Variants in CNNM3 observed in about 807,000 individuals in gnomAD.
CNNM3 encodes the protein metal transporter CNNM3.
Under a neutral mutation model 57.1 loss-of-function variants are expected in CNNM3, and 47 were observed. The observed-to-expected ratio is 0.82, with a 90% CI of 0.65 to 1.05. CNNM3 has a LOEUF of 1.05. Among genes scored for constraint, CNNM3 ranks in the 50% least tolerant of loss-of-function variants. CNNM3 has a pLI of 0.00. For synonymous variants in CNNM3, 507 were observed against 478.2 expected (o/e 1.06, Z -0.79); for missense variants, 957 against 973.7 (o/e 0.98, Z 0.23).
Position 96,817,427 on chromosome 2 carries a change from C to T in CNNM3, c.1150C>T (p.Arg384Cys). 6.2e-7 allele frequency: 1 copy of T among 1,614,150 alleles called. No individual in the cohort carries two copies. The change falls in exon 1 of 8, where the codon CGT becomes TGT. Residue 384 changes from arginine to cysteine, a missense_variant. Physicochemically the swap from Arg to Cys is radical, Grantham distance 180 (BLOSUM62 -3). Coordinates refer to ENST00000305510, the MANE Select transcript of CNNM3 (RefSeq NM_017623.5). Reference sequence around the variant, plus strand: ...CTGCACGCCGCTCAGCACCATCACTCGTTTCTACAACCATCCGCTCCACTT... The same window carrying T: ...CTGCACGCCGCTCAGCACCATCACTTGTTTCTACAACCATCCGCTCCACTT... ...EDCTPLSTITRFYNHPLHFVF... is the reference protein window; with the variant it reads ...EDCTPLSTITCFYNHPLHFVF...
At chr2:96,820,928 G>T (rs2079395324) in intron 1 of CNNM3, among the ~76,000 whole-genome samples, 1 of 152,208 alleles carries the variant, frequency 6.6e-6, no homozygotes, top group South Asian at 2.1e-4. Flanking sequence ...GGCTGCTCCT[G>T]TTCTGGGCTG....
intron 2 of CNNM3, among the ~76,000 whole-genome samples, chr2:96,826,025 G>T (rs1255541686): frequency 6.6e-6 from 1 of 152,212 alleles, no homozygotes. Context: ...CGCCTGCCCT[G>T]CATGCTTCCA....
At chr2:96,819,671 A>AT (rs1381740465) in intron 1 of CNNM3, among the ~76,000 whole-genome samples, 1 of 152,068 alleles carries the variant, frequency 6.6e-6, no homozygotes, top group African/African-American at 2.4e-5. Flanking sequence ...ACGTTTCTAG[A>AT]TTCTTTAAGA....
At position 96,826,917 on chromosome 2, in the gene CNNM3, A is replaced by G. The variant is rs1397823879; in HGVS notation, c.1454A>G (p.Asp485Gly). ...GAGTTCTCCTTGTTCAAGGTGTCTG[A>G]TGATGAATATAAAGTAACAATCTCG... Reference protein sequence around the residue: ...KEEFSLFKVSDDEYKVTISPQ... With the variant: ...KEEFSLFKVSGDEYKVTISPQ... The change falls in exon 3 of 8, where the codon GAT (aspartate) becomes GGT (glycine). Residue 485 changes from aspartate to glycine, a missense_variant. By Grantham distance (94) the Asp-to-Gly change is moderately conservative. This residue lies in a region of CNNM3 where 491 missense variants were observed against 570.6 expected (regional missense o/e 0.86). Coordinates refer to ENST00000305510, the MANE Select transcript of CNNM3 (RefSeq NM_017623.5). 4 of 1,614,230 alleles carry G rather than the reference A, an allele frequency of 2.5e-6. No individual in the cohort carries two copies. Among genetic ancestry groups the G allele is most frequent in the Admixed American group, 1.7e-5 (1 of 60,028 alleles).
Position 96,817,173 on chromosome 2 carries a change from A to T in CNNM3, c.896A>T (p.Asp299Val). The stretch of plus-strand genomic sequence containing the variant: ...CTGGAGCTGGCGCGCGGCGGCGGCG[A>T]CCCCTACAGCGATCTCAGCAAGGGC... ...RVLELARGGGDPYSDLSKGVL... is the reference protein window; with the variant it reads ...RVLELARGGGVPYSDLSKGVL... The change falls in exon 1 of 8, where the codon GAC becomes GTC. Residue 299 changes from aspartate (D) to valine (V), a missense_variant. Coordinates refer to ENST00000305510, the MANE Select transcript of CNNM3 (RefSeq NM_017623.5). 1.4e-6 allele frequency: 2 copies of T among 1,449,774 alleles called. No homozygotes were observed. Among genetic ancestry groups the T allele is most frequent in the Non-Finnish European group, 1.8e-6 (2 of 1,108,676 alleles). 89.8% of individuals were successfully genotyped at this position (1,449,774 alleles called of 1,614,324 possible). A position where few individuals can be genotyped will look rare whatever the true frequency, so the allele number is the denominator to read the frequency against.
At chr2:96,832,429 C>T in intron 7 of CNNM3, 123 bp from the exon 8 acceptor site, 1 of 1,550,074 alleles carries the variant, frequency 6.5e-7, no homozygotes, top group South Asian at 1.2e-5. Context: ...CTGATACTTC[C>T]CAAGGCATCC....
rs1327790450 is a variant in CNNM3, at chr2:96,817,306, G to A, written c.1029G>A (p.Gln343=). ...TCGGCGTCCTGGCCAGCATCATGCA[G>A]AGCGGCCACACGCGCATCCCGGTGT... is the stretch of plus-strand genomic sequence containing the variant. ...LDFGVLASIM[Q]SGHTRIPVYE... Residue 343 remains glutamine (Q), a synonymous_variant, in exon 1 of 8, where the codon CAG becomes CAA. Transcript: ENST00000305510. The A allele has an allele frequency of 6.2e-7, 1 of 1,613,920 alleles. No individual in the cohort carries two copies. The highest frequency in any genetic ancestry group is 1.7e-5 in the Admixed American group (1 of 60,032).
intron 7 of CNNM3, chr2:96,829,359 G>A: frequency 2.3e-6 from 1 of 433,192 alleles, no homozygotes; most frequent in Non-Finnish European, 3.1e-6. Flanking sequence ...GGAGTACAAT[G>A]GTGTGATCTC....
At position 96,829,143 on chromosome 2, in the gene CNNM3, C is replaced by T. The variant is rs758109971; in HGVS notation, c.2059+9C>T. On this transcript the variant is annotated intron_variant, in intron 7 of 7. Transcript: ENST00000305510. ...GACCACCACAGCGGCAGGTGAGTGC[C>T]AAGTGGTACATCGTGCATGGTGTCT... 6.2e-6 allele frequency: 10 copies of T among 1,613,578 alleles called. No homozygotes were observed. Among genetic ancestry groups the T allele is most frequent in the Admixed American group, 3.3e-5 (2 of 59,986 alleles).
chr2:96,819,869 G>A (rs764799193), intron 1 of CNNM3, among the ~76,000 whole-genome samples: 1 of 152,244 alleles, frequency 6.6e-6, no homozygotes, highest in Non-Finnish European at 1.5e-5. Flanking sequence ...CAAACCGCCA[G>A]TGTCAGGATC....
rs148219000 is a variant in CNNM3 at position 96,828,648 on chromosome 2, C to T, written c.1868C>T (p.Ala623Val). The part of the protein sequence containing the change: ...PDPGDGTHSS[A>V]YCPDYTVRAL... ...CCAGGTGACGGCACGCATTCATCTGCGTATTGTCCCGACTACACCGTGAGG... is the reference window on the plus strand; with the variant it reads ...CCAGGTGACGGCACGCATTCATCTGTGTATTGTCCCGACTACACCGTGAGG... The change falls in exon 6 of 8, where the codon GCG (alanine) becomes GTG (valine). Residue 623 changes from alanine to valine, a missense_variant. Physicochemically the swap from Ala to Val is moderately conservative, Grantham distance 64. Coordinates refer to ENST00000305510, the MANE Select transcript of CNNM3 (RefSeq NM_017623.5). The T allele has an allele frequency of 8.7e-5, 140 of 1,614,158 alleles. 1 individual carries two copies. In the African/African-American group the frequency reaches 1.3e-3, roughly 15 times the overall value.
rs554788305 is a variant in CNNM3, at chr2:96,825,609, G to A, written c.1369+408G>A. Among the ~76,000 whole-genome samples, 286 of 152,296 alleles carry A rather than the reference G, an allele frequency of 1.9e-3. 1 individual carries two copies. The highest frequency in any genetic ancestry group is 6.8e-3 in the African/African-American group (281 of 41,560). On this transcript the variant is annotated intron_variant, in intron 2 of 7. Transcript: ENST00000305510. ...GAAAGAACCCACTGTTTGCCATGAA[G>A]AAAGTCTTCCTGGCTGGGCGCAGTG... is the stretch of plus-strand genomic sequence containing the variant.
downstream of CNNM3, chr2:96,836,774 T>G (rs1419639150): frequency 6.6e-6 from 1 of 152,254 alleles, no homozygotes; most frequent in Non-Finnish European, 1.5e-5. Context: ...GGACTGTTGC[T>G]TTTAGTGTTG....
Position 96,832,876 on chromosome 2 carries a change from G to A in CNNM3, c.*260G>A. ...CGCCTCAGGAAGGAATGAAAGGAAT[G>A]CCATCATCTCTAGTTCCCAGGGCCC... On this transcript the variant is annotated 3_prime_UTR_variant, in exon 8 of 8. Coordinates refer to ENST00000305510, the MANE Select transcript of CNNM3 (RefSeq NM_017623.5). 2.0e-6 allele frequency: 3 copies of A among 1,490,348 alleles called. No homozygotes were observed. Among genetic ancestry groups the A allele is most frequent in the Non-Finnish European group, 2.7e-6 (3 of 1,118,406 alleles). 92.3% of individuals were successfully genotyped at this position (1,490,348 alleles called of 1,614,324 possible). A position where few individuals can be genotyped will look rare whatever the true frequency, so the allele number is the denominator to read the frequency against.
In CNNM3 at chr2:96,834,918, C is replaced by T. The variant is rs951174725; in HGVS notation, c.*2302C>T. Reference sequence around the variant, plus strand: ...AAGTTGTAAAGGTAAGGGCCCCACGCACCCTTCATCTAGTTTCCCTCCATG... The same window carrying T: ...AAGTTGTAAAGGTAAGGGCCCCACGTACCCTTCATCTAGTTTCCCTCCATG... On this transcript the variant is annotated 3_prime_UTR_variant, in exon 8 of 8. Transcript: ENST00000305510. Among the ~76,000 whole-genome samples, 15 of 152,196 alleles carry T rather than the reference C, an allele frequency of 9.9e-5. No homozygotes were observed. The highest frequency in any genetic ancestry group is 2.9e-4 in the African/African-American group (12 of 41,436).
downstream of CNNM3, among the ~76,000 whole-genome samples, chr2:96,835,457 T>TAAAC: frequency 6.6e-6 from 1 of 151,358 alleles, no homozygotes; most frequent in East Asian, 1.9e-4. Context: ...TTTCGTTTTT[T>TAAAC]AAACAATCAA....
intron 1 of CNNM3, among the ~76,000 whole-genome samples, chr2:96,823,546 C>T (rs2079443660): frequency 6.6e-6 from 1 of 152,148 alleles, no homozygotes; most frequent in Non-Finnish European, 1.5e-5. Context: ...TCTCCAGGGG[C>T]CCTAGCCTTC....
At chr2:96,825,020 G>GC (rs35331162) in intron 1 of CNNM3, 38 bp from the exon 2 acceptor site, 4 of 1,609,334 alleles carry the variant, frequency 2.5e-6, no homozygotes, top group African/African-American at 2.7e-5. Context: ...ACTGGGGGGG[G>GC]CCCAGCAAGC....
chr2:96,816,993 T>A lies in CNNM3; in HGVS notation c.716T>A (p.Val239Glu). The change falls in exon 1 of 8, where the codon GTG becomes GAG. Residue 239 changes from valine to glutamate, a missense_variant. By Grantham distance (121) the Val-to-Glu change is moderately radical. Around this residue, in one of 2 missense-constraint regions of CNNM3, gnomAD observed 466 missense variants for 403.1 expected, o/e 1.16. Coordinates refer to ENST00000305510, the MANE Select transcript of CNNM3 (RefSeq NM_017623.5). ...AGLVFLVGEV[V>E]PAAVSGRWTL... Reference sequence around the variant, plus strand: ...CTCGTGTTCCTGGTGGGAGAGGTGGTGCCGGCCGCCGTGAGCGGGCGCTGG... The same window carrying A: ...CTCGTGTTCCTGGTGGGAGAGGTGGAGCCGGCCGCCGTGAGCGGGCGCTGG... The A allele has an allele frequency of 7.3e-7, 1 of 1,364,822 alleles. No homozygotes were observed. Among genetic ancestry groups the A allele is most frequent in the Non-Finnish European group, 9.5e-7 (1 of 1,052,990 alleles). 84.5% of individuals were successfully genotyped at this position (1,364,822 alleles called of 1,614,324 possible). A position where few individuals can be genotyped will look rare whatever the true frequency, so the allele number is the denominator to read the frequency against.
Sources: allele counts gnomAD v4.1 joint callset (sites outside exome capture counted in the v4.1 genomes callset), GRCh38; gene constraint gnomAD v4.1.1; regional missense constraint gnomAD v4.1.1; transcripts MANE v1.5; gene names NCBI Gene and HGNC (gene_info 2026-07-23, HGNC 2026-07-21).